The following CNTNAP3B variants were observed in gnomAD, a reference collection of about 807,000 sequenced individuals.
CNTNAP3B encodes contactin-associated protein-like 3B.
Under a neutral mutation model 108.9 loss-of-function variants are expected in CNTNAP3B, and 25 were observed. The ratio of observed to expected loss-of-function variants is 0.23; its 90% CI spans 0.17 to 0.32. CNTNAP3B has a LOEUF of 0.32. Among genes scored for constraint, CNTNAP3B ranks in the 10% least tolerant of loss-of-function variants. The probability of loss-of-function intolerance (pLI) is 1.00; values close to 1 mark genes in which losing one functional copy is unlikely to be tolerated. For synonymous variants in CNTNAP3B, 103 were observed against 473.4 expected, an observed-to-expected ratio of 0.22 and a Z score of 10.16; for missense variants, 252 against 1,210.4, an observed-to-expected ratio of 0.21 and a Z score of 11.75.
chr9:42,020,494 A>G (rs1384895956), intron 3 of CNTNAP3B, among the ~76,000 whole-genome samples: 1 of 144,098 alleles, frequency 6.9e-6, no homozygotes, highest in South Asian at 2.2e-4. Context: ...TTATAATTAT[A>G]AATCTTTGTG....
intron 9 of CNTNAP3B, among the ~76,000 whole-genome samples, chr9:41,972,888 A>C (rs1457271182): frequency 7.6e-6 from 1 of 132,236 alleles, no homozygotes; most frequent in African/African-American, 3.0e-5. Context: ...CAGTTCTGCT[A>C]ATCTTTCTTT....
At chr9:41,932,203 GCTTATA>G (rs1823997574) in intron 14 of CNTNAP3B, among the ~76,000 whole-genome samples, 1 of 151,744 alleles carries the variant, frequency 6.6e-6, no homozygotes, top group Non-Finnish European at 1.5e-5. Context: ...ATTTTCTAAA[GCTTATA>G]CTATAGTCTA....
chr9:41,922,167 C>T (rs1006332784), intron 17 of CNTNAP3B, among the ~76,000 whole-genome samples: 2 of 134,462 alleles, frequency 1.5e-5, no homozygotes, highest in Non-Finnish European at 3.2e-5. Flanking sequence ...AACATTGATA[C>T]CTAAACACTG....
At chr9:41,952,984 C>T (rs553357563) in intron 13 of CNTNAP3B, among the ~76,000 whole-genome samples, 199 bp downstream of exon 13, 3 of 152,232 alleles carry the variant, frequency 2.0e-5, no homozygotes, top group African/African-American at 7.2e-5. Flanking sequence ...ACGCGCTGAA[C>T]GTCTCTCAAC....
intron 10 of CNTNAP3B, among the ~76,000 whole-genome samples, chr9:41,968,890 G>C (rs1199637218): frequency 5.9e-5 from 9 of 151,426 alleles, no homozygotes; most frequent in African/African-American, 2.2e-4. Flanking sequence ...TCCGCCTCCC[G>C]GGTTCACGCC....
At chr9:41,956,246 C>T (rs551947911) in intron 12 of CNTNAP3B, among the ~76,000 whole-genome samples, 15 of 151,904 alleles carry the variant, frequency 9.9e-5, no homozygotes, top group African/African-American at 3.1e-4. Context: ...ATTAGCCGGG[C>T]GTGGTGGCAC....
At position 42,076,758 on chromosome 9, in the gene CNTNAP3B, A is replaced by G. The variant is rs1788900057; in HGVS notation, c.390+111T>C. ...GATTCTCTTTCAATGCTTTCAATGA[A>G]ATAGGTATCTTACTTTCACTTAGAA... On this transcript the variant is annotated intron_variant, in intron 3 of 23. Transcript: ENST00000377561. The G allele has an allele frequency of 3.1e-6, 2 of 651,628 alleles. 1 individual carries two copies. The highest frequency in any genetic ancestry group is 5.9e-5 in the East Asian group (2 of 33,816). 40.4% of individuals were successfully genotyped at this position (651,628 alleles called of 1,614,324 possible).
intron 4 of CNTNAP3B, among the ~76,000 whole-genome samples, chr9:42,002,850 G>T (rs149039708): frequency 0.022 from 2,914 of 135,186 alleles, 490 homozygotes; most frequent in Non-Finnish European, 0.022. Flanking sequence ...ATTTTGAGTT[G>T]CTATTTCCTT....
intron 8 of CNTNAP3B, among the ~76,000 whole-genome samples, chr9:41,990,026 C>A (rs1825777623): frequency 7.3e-6 from 1 of 137,022 alleles, no homozygotes; most frequent in Non-Finnish European, 1.6e-5. Flanking sequence ...ATCTTTAGAA[C>A]ATGTATGTAA....
chr9:41,963,276 T>A (rs1825162593), intron 11 of CNTNAP3B, among the ~76,000 whole-genome samples: 2 of 152,220 alleles, frequency 1.3e-5, no homozygotes, highest in Non-Finnish European at 2.9e-5. Flanking sequence ...ACTTTGCATC[T>A]CTGTTTCCTT....
intron 2 of CNTNAP3B, among the ~76,000 whole-genome samples, chr9:42,093,426 C>A (rs1827842229): frequency 1.1e-5 from 1 of 94,626 alleles, no homozygotes; most frequent in African/African-American, 3.9e-5. Flanking sequence ...TAGATTTTAG[C>A]TACTTTGGAT....
rs1564198869 is a variant in CNTNAP3B at position 42,114,891 on chromosome 9, T to TA, written c.86-10153dup. Among the ~76,000 whole-genome samples the TA allele has an allele frequency of 3.0e-5, 4 of 133,378 alleles. No homozygotes were observed. In the Admixed American group the frequency reaches 3.0e-4, roughly 10 times the overall value. 87.5% of individuals were successfully genotyped at this position (133,378 alleles called of 152,430 possible). A position where few individuals can be genotyped will look rare whatever the true frequency, so the allele number is the denominator to read the frequency against. The stretch of plus-strand genomic sequence containing the variant: ...CAACATGGTGAAACTCCATCTTTAG[T>TA]AAAAATACAAAAATTAGCTGGGCAT... On this transcript the variant is annotated intron_variant, in intron 1 of 23. Transcript: ENST00000377561.
chr9:41,943,577 C>T (rs1178885148), intron 13 of CNTNAP3B, among the ~76,000 whole-genome samples: 5 of 151,410 alleles, frequency 3.3e-5, no homozygotes, highest in African/African-American at 7.3e-5. Flanking sequence ...TGGTCTGGAT[C>T]TCCTGAACTT....
At chr9:41,965,420 G>T (rs1204047578) in intron 10 of CNTNAP3B, among the ~76,000 whole-genome samples, 1 of 151,362 alleles carries the variant, frequency 6.6e-6, no homozygotes, top group Non-Finnish European at 1.5e-5. Context: ...ATTGTTAGGG[G>T]AACAGGGAGC....
At chr9:41,954,674 GA>G (rs1824801177) in intron 12 of CNTNAP3B, among the ~76,000 whole-genome samples, 1 of 152,208 alleles carries the variant, frequency 6.6e-6, no homozygotes, top group African/African-American at 2.4e-5. Context: ...TTTTATTTTA[GA>G]TTTTTTATTT....
rs1250180762 is a variant in CNTNAP3B at position 42,035,848 on chromosome 9, T to G, written c.391-22323A>C. Among the ~76,000 whole-genome samples, 5 of 145,570 alleles carry G rather than the reference T, an allele frequency of 3.4e-5. No individual in the cohort carries two copies. In the East Asian group the frequency reaches 1.0e-3, roughly 30 times the overall value. ...AATTTTAATTTTTTGTTGTTGTTCT[T>G]GAGATGAGGTCTTGCTATGTTGCCC... On this transcript the variant is annotated intron_variant, in intron 3 of 23. Coordinates refer to ENST00000377561, the MANE Select transcript of CNTNAP3B (RefSeq NM_001201380.3).
intron 16 of CNTNAP3B, among the ~76,000 whole-genome samples, chr9:41,923,666 G>A (rs1325202442): frequency 2.0e-5 from 3 of 152,300 alleles, no homozygotes; most frequent in Non-Finnish European, 2.9e-5. Context: ...GGAGACTGAG[G>A]CAGGAGAATT....
chr9:41,950,460 T>C (rs867615575), intron 13 of CNTNAP3B, among the ~76,000 whole-genome samples: 1,342 of 125,050 alleles, frequency 0.011, 7 homozygotes, highest in African/African-American at 0.04. Flanking sequence ...TTATTCATAA[T>C]TGCCCCAAAC....
intron 13 of CNTNAP3B, among the ~76,000 whole-genome samples, chr9:41,942,368 T>C (rs909741785): frequency 3.3e-5 from 5 of 152,236 alleles, no homozygotes; most frequent in African/African-American, 9.7e-5. Context: ...CCCAGCATTT[T>C]GGGAGGCTGA....
Sources: gnomAD v4.1 joint callset for allele counts (sites outside exome capture counted in the v4.1 genomes callset) on GRCh38, gnomAD v4.1.1 for gene constraint, MANE v1.5 for transcripts, NCBI Gene and HGNC (gene_info 2026-07-23, HGNC 2026-07-21) for gene names.